MSH4: variants seen among roughly 807,000 people sequenced by gnomAD.
The protein encoded by MSH4 is mutS homolog 4.
MSH4 carries 106 observed loss-of-function variants against 113.7 expected under a neutral mutation model. That is an observed-to-expected ratio of 0.93 (90% CI 0.80 to 1.10). The LOEUF is 1.10. Among genes scored for constraint, MSH4 ranks in the 50% least tolerant of loss-of-function variants. MSH4 has a pLI of 0.00. For missense variants in MSH4, 1,061 were observed against 1,093.7 expected (o/e 0.97, Z 0.42); for synonymous variants, 368 against 380.2 (o/e 0.97, Z 0.37).
chr1:75,814,263 G>A lies in MSH4; in HGVS notation c.700-758G>A, dbSNP rs1320739079. Among the ~76,000 whole-genome samples, 4 of 143,828 alleles carry A rather than the reference G, an allele frequency of 2.8e-5. No homozygotes were observed. The East Asian group carries it at 8.1e-4, about 29-fold the overall frequency. The allele number at this position is 143,828 out of a possible 152,430, so 94.4% of individuals were successfully genotyped here. ...AGCCCAGGAGTTTGACACCAGCCTGGGCAGCATAGTGAGAACTTATCTCTG... is the reference window on the plus strand; with the variant it reads ...AGCCCAGGAGTTTGACACCAGCCTGAGCAGCATAGTGAGAACTTATCTCTG... On this transcript the variant is annotated intron_variant, in intron 4 of 19. Coordinates refer to ENST00000263187, the MANE Select transcript of MSH4 (RefSeq NM_002440.4).
intron 9 of MSH4, among the ~76,000 whole-genome samples, chr1:75,874,014 T>A (rs1651765333): frequency 6.6e-6 from 1 of 152,182 alleles, no homozygotes; most frequent in Non-Finnish European, 1.5e-5. Flanking sequence ...TCCACAATGG[T>A]TGAGCTAATT....
chr1:75,871,987 C>T (rs925793001), intron 9 of MSH4, among the ~76,000 whole-genome samples: 3 of 152,138 alleles, frequency 2.0e-5, no homozygotes, highest in Non-Finnish European at 4.4e-5. Context: ...ATTTTAGATG[C>T]TCCAGATTCT....
intron 8 of MSH4, among the ~76,000 whole-genome samples, chr1:75,865,915 A>G (rs944491807): frequency 2.0e-5 from 3 of 152,270 alleles, no homozygotes; most frequent in Non-Finnish European, 2.9e-5. Flanking sequence ...ATATGGATTC[A>G]TAATTCTACT....
At chr1:75,894,072 T>C (rs1455697029) in intron 17 of MSH4, among the ~76,000 whole-genome samples, 1 of 152,102 alleles carries the variant, frequency 6.6e-6, no homozygotes, top group African/African-American at 2.4e-5. Flanking sequence ...GAAATAAATT[T>C]GTGAGAGGAG....
chr1:75,837,512 G>A (rs1356558102), intron 7 of MSH4, among the ~76,000 whole-genome samples: 1 of 149,220 alleles, frequency 6.7e-6, no homozygotes, highest in Admixed American at 6.8e-5. Flanking sequence ...TCAGCCTCCC[G>A]AGTAGCTGAG....
rs115674521 is a variant in MSH4, at chr1:75,868,648, C to G, written c.1305+1060C>G. Among the ~76,000 whole-genome samples the G allele has an allele frequency of 6.9e-3, 1,056 of 152,282 alleles. 11 individuals carry two copies. Among genetic ancestry groups the G allele is most frequent in the African/African-American group, 0.024 (1,003 of 41,568 alleles). ...AATCCCCACATTTCAAGGGCGGGGA[C>G]TGGTGGAGATAATTGAATCATGGGG... On this transcript the variant is annotated intron_variant, in intron 9 of 19. Transcript: ENST00000263187.
chr1:75,804,009 ATAAC>A (rs1170130076), intron 2 of MSH4, 96 bp downstream of exon 2: 20 of 798,918 alleles, frequency 2.5e-5, no homozygotes, highest in Admixed American at 3.6e-5. Flanking sequence ...GAATTTATCT[ATAAC>A]TGATATGAAT....
intron 19 of MSH4, among the ~76,000 whole-genome samples, chr1:75,909,414 G>A (rs1187917885): frequency 6.6e-6 from 1 of 151,754 alleles, no homozygotes; most frequent in African/African-American, 2.4e-5. Flanking sequence ...GTTCTCTGTG[G>A]GGAGAGCAAA....
At chr1:75,887,908 A>G (rs966050467) in intron 15 of MSH4, among the ~76,000 whole-genome samples, 6 of 151,878 alleles carry the variant, frequency 4.0e-5, no homozygotes, top group South Asian at 2.1e-4. Context: ...TATGTGTCAG[A>G]AGCCACTCTA....
chr1:75,832,652 A>G (rs1322602126), intron 7 of MSH4, among the ~76,000 whole-genome samples: 2 of 152,158 alleles, frequency 1.3e-5, no homozygotes. Flanking sequence ...CAATATACGT[A>G]ATCCATCACA....
At chr1:75,807,454 G>A (rs542224350) in intron 3 of MSH4, among the ~76,000 whole-genome samples, 6 of 152,212 alleles carry the variant, frequency 3.9e-5, no homozygotes, top group African/African-American at 1.4e-4. Context: ...ATGTGGTACT[G>A]ATCATAATCC....
chr1:75,896,346 AACACACAC>A (rs4035039), intron 17 of MSH4, among the ~76,000 whole-genome samples: 3,369 of 137,232 alleles, frequency 0.025, 70 homozygotes, highest in East Asian at 0.049. Context: ...ACACACATAC[AACACACAC>A]ACACACACAC....
At chr1:75,858,967 T>A (rs756608210) in intron 8 of MSH4, among the ~76,000 whole-genome samples, 10 of 152,190 alleles carry the variant, frequency 6.6e-5, no homozygotes, top group Non-Finnish European at 1.5e-4. Context: ...ATTCAGAGAT[T>A]TACCTTCTTC....
intron 15 of MSH4, among the ~76,000 whole-genome samples, chr1:75,885,837 A>G (rs1304530195): frequency 1.6e-5 from 2 of 127,734 alleles, no homozygotes; most frequent in Non-Finnish European, 3.1e-5. Context: ...GTAATGTATT[A>G]TATATTATAT....
chr1:75,882,987 C>T (rs940059472), intron 14 of MSH4, among the ~76,000 whole-genome samples: 16 of 151,876 alleles, frequency 1.1e-4, no homozygotes, highest in Admixed American at 9.2e-4. Context: ...TCAATGAGTA[C>T]TTGGTTCTTT....
At chr1:75,799,242 G>A (rs1012023260) in intron 1 of MSH4, among the ~76,000 whole-genome samples, 5 of 152,000 alleles carry the variant, frequency 3.3e-5, no homozygotes, top group African/African-American at 7.3e-5. Context: ...CTAGGCAGAC[G>A]GTATCTTTGA....
Position 75,820,071 on chromosome 1 carries a change from T to A in MSH4, c.990-2338T>A, listed in dbSNP as rs369923024. On this transcript the variant is annotated intron_variant, in intron 6 of 19. Transcript: ENST00000263187. ...AAATCACCTAGGAATTATGAAATTG[T>A]CTTGTACTTGTCATCAGAACAAGAT... is the stretch of plus-strand genomic sequence containing the variant. Among the ~76,000 whole-genome samples the A allele has an allele frequency of 4.2e-4, 60 of 141,192 alleles. 1 individual carries two copies. The highest frequency in any genetic ancestry group is 1.5e-3 in the African/African-American group (59 of 39,704). 92.6% of individuals were successfully genotyped at this position (141,192 alleles called of 152,430 possible).
At chr1:75,892,522 A>G (rs762457746) in intron 17 of MSH4, among the ~76,000 whole-genome samples, 1 of 152,130 alleles carries the variant, frequency 6.6e-6, no homozygotes, top group Admixed American at 6.6e-5. Context: ...TCACTATCGT[A>G]TACTCTTAAT....
chr1:75,911,193 C>T (rs1652779637), intron 19 of MSH4, among the ~76,000 whole-genome samples: 1 of 151,804 alleles, frequency 6.6e-6, no homozygotes, highest in African/African-American at 2.4e-5. Context: ...TTGGCTTCTG[C>T]TTCATGATTT....
Sources: gnomAD v4.1 joint callset for allele counts (sites outside exome capture counted in the v4.1 genomes callset) on GRCh38, gnomAD v4.1.1 for gene constraint, MANE v1.5 for transcripts, NCBI Gene and HGNC (gene_info 2026-07-23, HGNC 2026-07-21) for gene names.